The following HMGXB4 variants were observed in gnomAD, a reference collection of about 807,000 sequenced individuals.
HMGXB4 encodes the protein HMG-box containing 4, also known as HMG domain-containing protein 4.
In HMGXB4, 27 loss-of-function variants were observed where a neutral mutation model predicts 63.9. That is an observed-to-expected ratio of 0.42 (90% CI 0.31 to 0.58). HMGXB4 has a LOEUF of 0.58. Among genes scored for constraint, HMGXB4 ranks in the 20% least tolerant of loss-of-function variants. HMGXB4 has a pLI of 0.13. For missense variants in HMGXB4, 624 were observed against 700.7 expected (o/e 0.89, Z 1.24); for synonymous variants, 264 against 265.3 (o/e 0.99, Z 0.05).
chr22:35,279,490 A>G (rs1426453471), intron 5 of HMGXB4, among the ~76,000 whole-genome samples: 1 of 151,342 alleles, frequency 6.6e-6, no homozygotes, highest in African/African-American at 2.4e-5. Context: ...ATTTTAATGA[A>G]CCCCAGTTTA....
chr22:35,264,989 A>C lies in HMGXB4; in HGVS notation c.601A>C (p.Lys201Gln). ...GAAACTTATTCTGTCACCAAAGGAG[A>C]AGGGAAGCAGCTCTGTTGATGAGGA... is the stretch of plus-strand genomic sequence containing the variant. ...KMKLILSPKE[K>Q]GSSSVDEESF... The change falls in exon 5 of 11, where the codon AAG becomes CAG. Residue 201 changes from lysine (K) to glutamine (Q), a missense_variant. Around this residue, in one of 2 missense-constraint regions of HMGXB4, gnomAD observed 472 missense variants for 470.6 expected, o/e 1.00. Coordinates refer to ENST00000216106, the MANE Select transcript of HMGXB4 (RefSeq NM_001003681.3). 6.2e-7 allele frequency: 1 copy of C among 1,614,080 alleles called. No individual in the cohort carries two copies. Among genetic ancestry groups the C allele is most frequent in the Non-Finnish European group, 8.5e-7 (1 of 1,180,010 alleles).
Position 35,264,648 on chromosome 22 carries a change from A to C in HMGXB4, c.260A>C (p.Asp87Ala). The change falls in exon 5 of 11, where the codon GAT becomes GCT. Residue 87 changes from aspartate to alanine, a missense_variant and splice_region_variant. By Grantham distance (126) the Asp-to-Ala change is moderately radical. Coordinates refer to ENST00000216106, the MANE Select transcript of HMGXB4 (RefSeq NM_001003681.3). Reference protein sequence around the residue: ...KHSSDDYYYGDISSLESSQKK... With the variant: ...KHSSDDYYYGAISSLESSQKK... ...CAGTACTTCTCTTGATTATTTCTAGATATTTCGTCTTTGGAATCGTCACAG... is the reference window on the plus strand; with the variant it reads ...CAGTACTTCTCTTGATTATTTCTAGCTATTTCGTCTTTGGAATCGTCACAG... The C allele has an allele frequency of 6.4e-7, 1 of 1,556,738 alleles. No homozygotes were observed. Among genetic ancestry groups the C allele is most frequent in the East Asian group, 2.3e-5 (1 of 44,346 alleles).
intron 2 of HMGXB4, 151 bp downstream of exon 2, chr22:35,262,572 C>G: frequency 6.1e-6 from 5 of 814,198 alleles, no homozygotes; most frequent in Middle Eastern, 7.2e-4. Flanking sequence ...TCCACGCCAT[C>G]CCCAGACTGG....
chr22:35,247,737 G>GGTTTGTTT, the HMGXB4 span, among the ~76,000 whole-genome samples: 1,273 of 151,764 alleles, frequency 8.4e-3, 19 homozygotes, highest in African/African-American at 0.029. Flanking sequence ...TTTTTTTGCT[G>GGTTTGTTT]GTTTGTTTGT....
intron 9 of HMGXB4, among the ~76,000 whole-genome samples, chr22:35,291,353 G>A (rs1924926442): frequency 6.6e-6 from 1 of 152,164 alleles, no homozygotes; most frequent in South Asian, 2.1e-4. Flanking sequence ...CCAAATTGCA[G>A]AGGGACTTCA....
chr22:35,272,935 AAAAT>A (rs962139864), intron 5 of HMGXB4, among the ~76,000 whole-genome samples: 11 of 152,346 alleles, frequency 7.2e-5, no homozygotes, highest in Admixed American at 4.6e-4. Context: ...GTGTCTCAAG[AAAAT>A]AAATAAATAA....
rs1236289777 is a variant in HMGXB4, at chr22:35,262,374, G to T, written c.-17G>T. 1 of 1,613,640 alleles carries T rather than the reference G, an allele frequency of 6.2e-7. No individual in the cohort carries two copies. The highest frequency in any genetic ancestry group is 1.3e-5 in the African/African-American group (1 of 75,024). On this transcript the variant is annotated 5_prime_UTR_variant, in exon 2 of 11. The change creates a new upstream start codon in the 5' untranslated region. Coordinates refer to ENST00000216106, the MANE Select transcript of HMGXB4 (RefSeq NM_001003681.3). Reference sequence around the variant, plus strand: ...CTGGACACAGTGACACATTCTCAAAGGCCCTGCAGGACCACCATGGCTTAT... The same window carrying T: ...CTGGACACAGTGACACATTCTCAAATGCCCTGCAGGACCACCATGGCTTAT...
intron 5 of HMGXB4, among the ~76,000 whole-genome samples, chr22:35,267,899 A>G (rs948541874): frequency 1.3e-5 from 2 of 152,178 alleles, no homozygotes; most frequent in African/African-American, 2.4e-5. Flanking sequence ...TTTCACCCCT[A>G]AACACTTCAG....
chr22:35,283,638 A>C (rs980648818), intron 5 of HMGXB4, among the ~76,000 whole-genome samples: 1 of 152,164 alleles, frequency 6.6e-6, no homozygotes, highest in Non-Finnish European at 1.5e-5. Context: ...AAAAATACAA[A>C]AATTACCCGG....
At chr22:35,244,069 A>G in the HMGXB4 span, among the ~76,000 whole-genome samples, 1 of 152,028 alleles carries the variant, frequency 6.6e-6, no homozygotes, top group African/African-American at 2.4e-5. Context: ...AGATTTGTTC[A>G]CCTTCTTGAA....
chr22:35,252,237 A>G, the HMGXB4 span, among the ~76,000 whole-genome samples: 1 of 152,152 alleles, frequency 6.6e-6, no homozygotes, highest in Non-Finnish European at 1.5e-5. Context: ...ACAAACAAAA[A>G]ACACTAAACA....
chr22:35,271,897 A>G (rs1601631957), intron 5 of HMGXB4, among the ~76,000 whole-genome samples: 1 of 152,214 alleles, frequency 6.6e-6, no homozygotes, highest in Admixed American at 6.5e-5. Context: ...CAACTACCAC[A>G]TTGAAAACCC....
intron 5 of HMGXB4, 32 bp downstream of exon 5, chr22:35,265,635 G>T: frequency 6.7e-7 from 1 of 1,495,750 alleles, no homozygotes; most frequent in South Asian, 1.4e-5. Flanking sequence ...GTGGGGGTAA[G>T]AGATTAAGCA....
intron 5 of HMGXB4, among the ~76,000 whole-genome samples, chr22:35,267,175 T>C (rs944636848): frequency 1.4e-5 from 2 of 146,956 alleles, no homozygotes; most frequent in Admixed American, 6.8e-5. Context: ...AATAATATAT[T>C]ATATATATAT....
At chr22:35,254,457 C>G (rs2146383647), upstream of HMGXB4, among the ~76,000 whole-genome samples, 2 of 152,370 alleles carry the variant, frequency 1.3e-5, no homozygotes, top group Admixed American at 1.3e-4. Flanking sequence ...CAACCCACTT[C>G]TGGCTGAGCT....
chr22:35,284,291 C>T (rs558713815), intron 6 of HMGXB4, among the ~76,000 whole-genome samples: 8 of 152,314 alleles, frequency 5.3e-5, no homozygotes, highest in African/African-American at 1.9e-4. Context: ...CATAAATGCA[C>T]AAAAATATAC....
chr22:35,280,845 C>T (rs780757867), intron 5 of HMGXB4, among the ~76,000 whole-genome samples: 1 of 152,184 alleles, frequency 6.6e-6, no homozygotes, highest in Non-Finnish European at 1.5e-5. Context: ...ACCCAACTCT[C>T]TGGTTTAGAT....
At chr22:35,281,043 A>G (rs774462531) in intron 5 of HMGXB4, among the ~76,000 whole-genome samples, 3 of 152,254 alleles carry the variant, frequency 2.0e-5, no homozygotes, top group African/African-American at 7.2e-5. Context: ...TGTCTGGCAC[A>G]TATGGATACT....
chr22:35,269,792 A>G (rs1046824597), intron 5 of HMGXB4, among the ~76,000 whole-genome samples: 3 of 152,164 alleles, frequency 2.0e-5, no homozygotes, highest in Non-Finnish European at 2.9e-5. Context: ...GGATCGCTTG[A>G]GTCCAAGAGT....
Sources: allele counts gnomAD v4.1 joint callset (sites outside exome capture counted in the v4.1 genomes callset), GRCh38; gene constraint gnomAD v4.1.1; regional missense constraint gnomAD v4.1.1; transcripts MANE v1.5; gene names NCBI Gene and HGNC (gene_info 2026-07-23, HGNC 2026-07-21).